OBP2B: variants seen among roughly 807,000 people sequenced by gnomAD.
The protein encoded by OBP2B is odorant-binding protein 2b.
Under a neutral mutation model 21.7 loss-of-function variants are expected in OBP2B, and 10 were observed. The observed-to-expected ratio is 0.46, with a 90% CI of 0.28 to 0.78. OBP2B has a LOEUF of 0.78. Ranked by LOEUF, OBP2B falls within the 30% of genes least tolerant of loss-of-function variation. The pLI is 0.11. For synonymous variants in OBP2B, 73 were observed against 91.5 expected (o/e 0.80, Z 1.16); for missense variants, 153 against 217.7 (o/e 0.70, Z 1.87).
chr9:133,220,934 C>T, the OBP2B span, among the ~76,000 whole-genome samples: 1 of 152,086 alleles, frequency 6.6e-6, no homozygotes, highest in East Asian at 1.9e-4. Context: ...GGAGGAGGGG[C>T]CACAAGCCAA....
chr9:133,211,930 T>C (rs1393435887), upstream of OBP2B, among the ~76,000 whole-genome samples: 1 of 152,232 alleles, frequency 6.6e-6, no homozygotes, highest in Non-Finnish European at 1.5e-5. Context: ...TTAAAAGCCA[T>C]TATACAACTA....
Position 133,207,343 on chromosome 9 carries a change from A to T in OBP2B, c.278-7T>A, listed in dbSNP as rs1462765070. On this transcript the variant is annotated splice_polypyrimidine_tract_variant and splice_region_variant and intron_variant, in intron 3 of 6. Coordinates refer to ENST00000372034, the MANE Select transcript of OBP2B (RefSeq NM_014581.4). ...ATGAGCTTCCTGCCCCCATCTGTAG[A>T]TGACAGAGAAAATGGGTCATTCCCA... 1 of 1,582,682 alleles carries T rather than the reference A, an allele frequency of 6.3e-7. No homozygotes were observed. The highest frequency in any genetic ancestry group is 2.2e-5 in the East Asian group (1 of 44,710).
the OBP2B span, among the ~76,000 whole-genome samples, chr9:133,219,897 T>TA: frequency 6.6e-6 from 1 of 152,006 alleles, no homozygotes; most frequent in Non-Finnish European, 1.5e-5. Context: ...GATGAATGGA[T>TA]AAAAAAGGTG....
upstream of OBP2B, among the ~76,000 whole-genome samples, chr9:133,209,491 G>C (rs1221590311): frequency 5.3e-5 from 8 of 152,058 alleles, no homozygotes; most frequent in Non-Finnish European, 1.2e-4. This position sits in a 1 kb window ranked among gnomAD's most constrained non-coding sequence, Gnocchi z 6.0. Flanking sequence ...CAGAGGACTC[G>C]AGAGGACAGG....
intron 4 of OBP2B, 194 bp from the exon 5 acceptor site, chr9:133,206,610 C>T (rs1833723606): frequency 1.5e-6 from 1 of 664,328 alleles, no homozygotes; most frequent in Non-Finnish European, 2.5e-6. Context: ...GGGAGAGACC[C>T]AAGAGTGGAC....
intron 4 of OBP2B, 99 bp from the exon 5 acceptor site, chr9:133,206,515 CA>C (rs1200845291): frequency 5.3e-6 from 8 of 1,504,260 alleles, no homozygotes; most frequent in Non-Finnish European, 7.3e-6. Flanking sequence ...AGCACCAGGA[CA>C]GGGGGAGAGG....
At chr9:133,217,879 G>A in the OBP2B span, among the ~76,000 whole-genome samples, 2 of 152,172 alleles carry the variant, frequency 1.3e-5, no homozygotes, top group Non-Finnish European at 2.9e-5. Context: ...AACTGCCCTC[G>A]TGCAATCCTG....
At position 133,208,564 on chromosome 9, in the gene OBP2B, A is replaced by G; in HGVS notation, c.111T>C (p.Asp37=). The G allele has an allele frequency of 2.2e-5, 36 of 1,612,544 alleles. No individual in the cohort carries two copies. The highest frequency in any genetic ancestry group is 3.0e-5 in the Non-Finnish European group (35 of 1,179,206). ...GTWYVKAMVV[D]KDFPEDRRPR... ...GCCTCCTGTCCTCCGGAAAGTCCTT[A>G]TCGACCACCATGGCCTTCACGTACC... The change falls in exon 2 of 7, where the codon GAT becomes GAC. Residue 37 remains aspartate (D), a synonymous_variant. Transcript: ENST00000372034.
chr9:133,220,730 C>T, the OBP2B span, among the ~76,000 whole-genome samples: 2,527 of 152,076 alleles, frequency 0.017, 89 homozygotes, highest in African/African-American at 0.058. Flanking sequence ...CATGGTAAAA[C>T]GGACTTCACA....
upstream of OBP2B, among the ~76,000 whole-genome samples, chr9:133,210,289 A>G (rs1365321788): frequency 6.6e-6 from 1 of 152,086 alleles, no homozygotes; most frequent in Non-Finnish European, 1.5e-5. Context: ...GACCCACACA[A>G]TGGCATCTTT....
upstream of OBP2B, among the ~76,000 whole-genome samples, chr9:133,211,679 C>T (rs1447601179): frequency 1.3e-5 from 2 of 152,138 alleles, no homozygotes; most frequent in African/African-American, 4.8e-5. Flanking sequence ...GGACTGAGTC[C>T]CAGTTGCCCA....
chr9:133,207,763 C>T, intron 3 of OBP2B: 1 of 1,000,096 alleles, frequency 1.0e-6, no homozygotes, highest in Non-Finnish European at 1.4e-6. Flanking sequence ...TAACCCTCAG[C>T]CTCCCCATCC....
the OBP2B span, among the ~76,000 whole-genome samples, chr9:133,214,311 G>A: frequency 6.6e-6 from 1 of 152,244 alleles, no homozygotes. Context: ...TCGCTGCTCA[G>A]AAGTCAAGGC....
chr9:133,208,140 G>A lies in OBP2B; in HGVS notation c.270C>T (p.Tyr90=). 6.2e-7 allele frequency: 1 copy of A among 1,611,194 alleles called. No individual in the cohort carries two copies. The highest frequency in any genetic ancestry group is 1.1e-5 in the South Asian group (1 of 90,906). The change falls in exon 3 of 7, where the codon TAC becomes TAT. Residue 90 remains tyrosine, a synonymous_variant. Coordinates refer to ENST00000372034, the MANE Select transcript of OBP2B (RefSeq NM_014581.4). ...LMRKTEEPGK[Y]SAYGGRKLMY... ...AGTGGGGGAGGGGCTCACAGGCGCT[G>A]TATTTGCCAGGCTCCTCCGTCTTCC...
At chr9:133,205,468 G>GGCCAGA (rs1223542497) in intron 6 of OBP2B, 57 bp from the exon 7 acceptor site, 1 of 1,036,500 alleles carries the variant, frequency 9.6e-7, no homozygotes, top group Non-Finnish European at 1.4e-6. Context: ...CAGAGGCCAG[G>GGCCAGA]GCCAGAGCTC....
At chr9:133,205,541 A>G in intron 6 of OBP2B, 130 bp from the exon 7 acceptor site, 3 of 653,516 alleles carry the variant, frequency 4.6e-6, no homozygotes, top group Non-Finnish European at 7.9e-6. Flanking sequence ...CTCCAGAGCG[A>G]CCTCAGCTCC....
At chr9:133,208,698 T>C in intron 1 of OBP2B, 96 bp from the exon 2 acceptor site, 1 of 1,526,352 alleles carries the variant, frequency 6.6e-7, no homozygotes, top group Non-Finnish European at 8.8e-7. Flanking sequence ...ACACCCATGG[T>C]GCCCGGCTGC....
chr9:133,219,090 CTG>C, the OBP2B span, among the ~76,000 whole-genome samples: 5 of 152,248 alleles, frequency 3.3e-5, no homozygotes, highest in African/African-American at 4.8e-5. Flanking sequence ...ATGCAAAAGA[CTG>C]AGGTGGGACC....
chr9:133,209,290 CT>C (rs1833860342), upstream of OBP2B: 8 of 1,206,266 alleles, frequency 6.6e-6, no homozygotes, highest in African/African-American at 1.5e-5. This position sits in a 1 kb window ranked among gnomAD's most constrained non-coding sequence, Gnocchi z 6.0. Context: ...TTATAGCCCC[CT>C]GGCCAGTGTC....
Sources: allele counts gnomAD v4.1 joint callset (sites outside exome capture counted in the v4.1 genomes callset), GRCh38; gene constraint gnomAD v4.1.1; non-coding constraint Gnocchi (gnomAD v3.1); transcripts MANE v1.5; gene names NCBI Gene and HGNC (gene_info 2026-07-23, HGNC 2026-07-21).